LAYN: variants seen among roughly 807,000 people sequenced by gnomAD.
LAYN encodes layilin.
Under a neutral mutation model 43.6 loss-of-function variants are expected in LAYN, and 38 were observed. The ratio of observed to expected loss-of-function variants is 0.87; its 90% CI spans 0.67 to 1.14. The LOEUF (loss-of-function observed/expected upper bound fraction) is 1.14, where lower values mean the gene tolerates loss of function less well. LAYN is among the 50% of genes most tolerant of loss of function. The pLI is 0.00. For synonymous variants in LAYN, 168 were observed against 172.9 expected (o/e 0.97, Z 0.22); for missense variants, 479 against 463.8 (o/e 1.03, Z -0.30).
chr11:111,560,573 G>C lies in LAYN; in HGVS notation c.*115G>C. 1 of 1,205,246 alleles carries C rather than the reference G, an allele frequency of 8.3e-7. No homozygotes were observed. The highest frequency in any genetic ancestry group is 1.1e-6 in the Non-Finnish European group (1 of 876,020). The allele number at this position is 1,205,246 out of a possible 1,614,324, so 74.7% of individuals were successfully genotyped here. On this transcript the variant is annotated 3_prime_UTR_variant, in exon 7 of 7. Transcript: ENST00000375614. ...TATGAACAAGCTTAGATCAGGTCCTGTGGATGAGCATGTGGTCCCCACGAC... is the reference window on the plus strand; with the variant it reads ...TATGAACAAGCTTAGATCAGGTCCTCTGGATGAGCATGTGGTCCCCACGAC...
rs1473667258 is a variant in LAYN, at chr11:111,543,957, T to G, written c.120T>G (p.Pro40=). ...QPVCRGGTQR[P]CYKVIYFHDT... ...TCTGCCGGGGAGGGACACAGAGGCC[T>G]TGTTATAAAGTCATTTACTTCCATG... The change falls in exon 2 of 7, where the codon CCT becomes CCG. Residue 40 remains proline (P), a synonymous_variant. Transcript: ENST00000375614. 1 of 1,613,810 alleles carries G rather than the reference T, an allele frequency of 6.2e-7. No individual in the cohort carries two copies.
chr11:111,549,780 T>C lies in LAYN; in HGVS notation c.541+5T>C. ...TCATTTGCAAATATTCTGATGGTAATGAATCCTCTCCCAAGCTATGCGGCT... is the reference window on the plus strand; with the variant it reads ...TCATTTGCAAATATTCTGATGGTAACGAATCCTCTCCCAAGCTATGCGGCT... On this transcript the variant is annotated splice_donor_5th_base_variant and intron_variant, in intron 3 of 6. Transcript: ENST00000375614. The C allele has an allele frequency of 6.3e-7, 1 of 1,599,602 alleles. No homozygotes were observed. Among genetic ancestry groups the C allele is most frequent in the Non-Finnish European group, 8.5e-7 (1 of 1,174,448 alleles).
chr11:111,541,287 A>C (rs1867532112), intron 1 of LAYN: 1 of 599,748 alleles, frequency 1.7e-6, no homozygotes, highest in Non-Finnish European at 3.0e-6. Flanking sequence ...AGTCCTTGGG[A>C]CCACCCCCGC....
intron 5 of LAYN, 115 bp from the exon 6 acceptor site, chr11:111,557,426 G>C: frequency 2.5e-6 from 2 of 788,482 alleles, no homozygotes; most frequent in Non-Finnish European, 4.3e-6. Flanking sequence ...AATTTTAATA[G>C]ATTTGGGGGT....
chr11:111,544,470 A>G (rs971820327), intron 2 of LAYN, among the ~76,000 whole-genome samples: 2 of 152,230 alleles, frequency 1.3e-5, no homozygotes, highest in Admixed American at 6.5e-5. Context: ...TCAACAGCAT[A>G]TAATGCTTGA....
At chr11:111,559,801 A>AT (rs1343919669) in intron 6 of LAYN, among the ~76,000 whole-genome samples, 2 of 151,154 alleles carry the variant, frequency 1.3e-5, no homozygotes, top group Non-Finnish European at 3.0e-5. Flanking sequence ...GTAATGTGGT[A>AT]TTTTTTCTCT....
At chr11:111,555,169 C>A in intron 4 of LAYN, 38 bp from the exon 5 acceptor site, 1 of 1,482,732 alleles carries the variant, frequency 6.7e-7, no homozygotes, top group Non-Finnish European at 9.4e-7. Flanking sequence ...TGAATTATGC[C>A]TTTCTTCAAG....
chr11:111,546,284 C>A (rs1166717877), intron 2 of LAYN, among the ~76,000 whole-genome samples: 2 of 152,218 alleles, frequency 1.3e-5, no homozygotes, highest in African/African-American at 4.8e-5. Flanking sequence ...ATCTTCCAGT[C>A]TATTTCCATT....
intron 2 of LAYN, among the ~76,000 whole-genome samples, chr11:111,547,512 T>C (rs1867668842): frequency 6.6e-6 from 1 of 152,192 alleles, no homozygotes; most frequent in South Asian, 2.1e-4. Flanking sequence ...CTGTTGTCCA[T>C]CCCAACAAAC....
At chr11:111,541,651 C>T in intron 1 of LAYN, 1 of 1,444,054 alleles carries the variant, frequency 6.9e-7, no homozygotes, top group Non-Finnish European at 9.4e-7. Context: ...CATCCGTGCC[C>T]TTTTCTCAGA....
chr11:111,546,700 A>G (rs1176497693), intron 2 of LAYN, among the ~76,000 whole-genome samples: 1 of 152,148 alleles, frequency 6.6e-6, no homozygotes, highest in Non-Finnish European at 1.5e-5. Flanking sequence ...CTTACAACGG[A>G]TCTATTCCAA....
chr11:111,541,514 C>A, intron 1 of LAYN: 1 of 1,527,280 alleles, frequency 6.5e-7, no homozygotes, highest in Non-Finnish European at 8.8e-7. Context: ...CCCCACCTGA[C>A]TCCGGGGAAT....
At position 111,560,603 on chromosome 11, in the gene LAYN, T is replaced by C. The variant is rs1867939345; in HGVS notation, c.*145T>C. ...TGAGCATGTGGTCCCCACGACCTCCTGTTGGACCCCCACGTTTTGGCTGTA... is the reference window on the plus strand; with the variant it reads ...TGAGCATGTGGTCCCCACGACCTCCCGTTGGACCCCCACGTTTTGGCTGTA... On this transcript the variant is annotated 3_prime_UTR_variant, in exon 7 of 7. Coordinates refer to ENST00000375614, the MANE Select transcript of LAYN (RefSeq NM_178834.5). The C allele has an allele frequency of 2.3e-6, 2 of 885,560 alleles. No individual in the cohort carries two copies. The highest frequency in any genetic ancestry group is 1.7e-5 in the African/African-American group (1 of 58,916). 54.9% of individuals were successfully genotyped at this position (885,560 alleles called of 1,614,324 possible).
chr11:111,556,304 T>C (rs960838879), intron 5 of LAYN, among the ~76,000 whole-genome samples: 1 of 152,132 alleles, frequency 6.6e-6, no homozygotes, highest in Non-Finnish European at 1.5e-5. Context: ...GGCACATCAG[T>C]GTGTTCACCA....
rs748100527 is a variant in LAYN, at chr11:111,544,209, A to G, written c.372A>G (p.Ile124Met). Residue 124 changes from isoleucine to methionine, a missense_variant, in exon 2 of 7, where the codon ATA becomes ATG. Physicochemically the swap from Ile to Met is conservative, Grantham distance 10 (BLOSUM62 1). Coordinates refer to ENST00000375614, the MANE Select transcript of LAYN (RefSeq NM_178834.5). ...TTTATGCTTGGACTGATGGCAGCAT[A>G]TCACAATTTAGGTAAGTGTGTGGAA... ...QDLYAWTDGS[I>M]SQFRNWYVDE... 2 of 1,612,632 alleles carry G rather than the reference A, an allele frequency of 1.2e-6. No homozygotes were observed. Among genetic ancestry groups the G allele is most frequent in the Non-Finnish European group, 1.7e-6 (2 of 1,179,324 alleles).
intron 1 of LAYN, among the ~76,000 whole-genome samples, chr11:111,543,620 A>G (rs1292191640): frequency 6.6e-6 from 1 of 152,188 alleles, no homozygotes; most frequent in East Asian, 1.9e-4. Context: ...TGAAACCATA[A>G]ATCTTCATCT....
At chr11:111,556,251 T>C (rs1005596750) in intron 5 of LAYN, among the ~76,000 whole-genome samples, 2 of 152,194 alleles carry the variant, frequency 1.3e-5, no homozygotes, top group African/African-American at 4.8e-5. Flanking sequence ...AGGAGTTTCC[T>C]TGTCATCCCC....
intron 2 of LAYN, among the ~76,000 whole-genome samples, chr11:111,546,393 G>T (rs1239302535): frequency 6.6e-6 from 1 of 152,108 alleles, no homozygotes; most frequent in Non-Finnish European, 1.5e-5. Flanking sequence ...TGGTTAACTA[G>T]ATGTACCAAC....
intron 6 of LAYN, 33 bp downstream of exon 6, chr11:111,557,676 A>G: frequency 6.6e-7 from 1 of 1,506,360 alleles, no homozygotes; most frequent in Non-Finnish European, 9.2e-7. Context: ...AAACCTTTGC[A>G]TCTTCTGCTC....
Sources: allele counts gnomAD v4.1 joint callset (sites outside exome capture counted in the v4.1 genomes callset), GRCh38; gene constraint gnomAD v4.1.1; transcripts MANE v1.5; gene names NCBI Gene and HGNC (gene_info 2026-07-23, HGNC 2026-07-21).